TCAF1: variants seen among roughly 807,000 people sequenced by gnomAD.
TCAF1 encodes the protein TRPM8 channel associated factor 1.
TCAF1 carries 4 observed loss-of-function variants against 27.3 expected under a neutral mutation model. The ratio of observed to expected loss-of-function variants is 0.15; its 90% confidence interval spans 0.07 to 0.34. TCAF1 has a LOEUF of 0.34. TCAF1 is among the 10% of genes least tolerant of loss of function. The probability of loss-of-function intolerance (pLI) is 1.00; values close to 1 mark genes in which losing one functional copy is unlikely to be tolerated. For missense variants in TCAF1, 257 were observed against 425.8 expected, an observed-to-expected ratio of 0.60 and a Z score of 3.49; for synonymous variants, 105 against 167.1, an observed-to-expected ratio of 0.63 and a Z score of 2.87.
intron 1 of TCAF1, among the ~76,000 whole-genome samples, chr7:143,877,854 T>C (rs1424450212): frequency 2.0e-5 from 3 of 152,234 alleles, no homozygotes; most frequent in Non-Finnish European, 2.9e-5. Flanking sequence ...CTTTCTGTCC[T>C]TTTCTGACCT....
intron 1 of TCAF1, among the ~76,000 whole-genome samples, chr7:143,898,688 G>A (rs138217416): frequency 6.6e-5 from 10 of 152,262 alleles, no homozygotes; most frequent in Non-Finnish European, 1.2e-4. Context: ...CTTAAATAGT[G>A]TCATATACCA....
intron 1 of TCAF1, chr7:143,885,643 G>A: frequency 2.5e-6 from 2 of 800,562 alleles, no homozygotes; most frequent in African/African-American, 1.9e-5. Flanking sequence ...CCAAGGATGG[G>A]TTAAATCTAC....
At chr7:143,885,919 AT>A (rs1813379957) in intron 1 of TCAF1, among the ~76,000 whole-genome samples, 1 of 152,238 alleles carries the variant, frequency 6.6e-6, no homozygotes, top group Admixed American at 6.5e-5. Flanking sequence ...TGTAATAAAA[AT>A]AAATTTAATC....
chr7:143,859,994 ATTATATAAT>A lies in TCAF1; in HGVS notation c.2167+205_2167+213del, dbSNP rs1165221487. Among the ~76,000 whole-genome samples the A allele has an allele frequency of 1.9e-3, 28 of 14,946 alleles. 3 individuals carry two copies. The highest frequency in any genetic ancestry group is 2.6e-3 in the African/African-American group (23 of 8,928). The allele number at this position is 14,946 out of a possible 152,430, so 9.8% of individuals were successfully genotyped here. A position where few individuals can be genotyped will look rare whatever the true frequency, so the allele number is the denominator to read the frequency against. The stretch of plus-strand genomic sequence containing the variant: ...ATATAATATATATTATATAATATAT[ATTATATAAT>A]ATATATATAATATATATTATATATT... On this transcript the variant is annotated intron_variant, in intron 6 of 8. Coordinates refer to ENST00000479870, the MANE Select transcript of TCAF1 (RefSeq NM_014719.3).
chr7:143,895,759 G>A (rs949688932), intron 1 of TCAF1, among the ~76,000 whole-genome samples: 1 of 151,416 alleles, frequency 6.6e-6, no homozygotes, highest in Non-Finnish European at 1.5e-5. Flanking sequence ...AGGTACTAAG[G>A]ATCAATTTAA....
intron 2 of TCAF1, among the ~76,000 whole-genome samples, chr7:143,868,416 AAATT>A (rs1812279484): frequency 6.7e-6 from 1 of 148,590 alleles, no homozygotes; most frequent in Admixed American, 6.8e-5. Context: ...AACCTTGTTA[AAATT>A]AATTATTATA....
At chr7:143,884,752 G>C (rs1813304109) in intron 1 of TCAF1, among the ~76,000 whole-genome samples, 1 of 151,740 alleles carries the variant, frequency 6.6e-6, no homozygotes, top group Non-Finnish European at 1.5e-5. Flanking sequence ...GAAAGAAAGG[G>C]GGGTGGAGGA....
Position 143,898,132 on chromosome 7 carries a change from G to A in TCAF1, c.-15+3829C>T, listed in dbSNP as rs796290325. The stretch of plus-strand genomic sequence containing the variant: ...GTATATATATTCTCAACAGCTACAG[G>A]AAAAGCATTTGAAAAAACATCCATT... On this transcript the variant is annotated intron_variant, in intron 1 of 8. Coordinates refer to ENST00000479870, the MANE Select transcript of TCAF1 (RefSeq NM_014719.3). Among the ~76,000 whole-genome samples the A allele has an allele frequency of 9.2e-5, 14 of 152,066 alleles. 1 individual carries two copies. The highest frequency in any genetic ancestry group is 3.4e-4 in the African/African-American group (14 of 41,494).
chr7:143,896,673 T>C (rs975803229), intron 1 of TCAF1, among the ~76,000 whole-genome samples: 1 of 152,008 alleles, frequency 6.6e-6, no homozygotes, highest in Non-Finnish European at 1.5e-5. Context: ...CCAAATGGAA[T>C]TTAAAAGGTA....
At chr7:143,901,580 G>A (rs989200338) in intron 1 of TCAF1, among the ~76,000 whole-genome samples, 14 of 152,086 alleles carry the variant, frequency 9.2e-5, no homozygotes, top group African/African-American at 3.4e-4. Flanking sequence ...AGAGCACTGG[G>A]GTGGATGAGA....
chr7:143,897,621 T>C (rs1438014197), intron 1 of TCAF1, among the ~76,000 whole-genome samples: 2 of 152,098 alleles, frequency 1.3e-5, no homozygotes, highest in Admixed American at 6.5e-5. Context: ...AATAAACATA[T>C]ACATGTACGT....
chr7:143,880,768 G>A (rs1210479432), intron 1 of TCAF1, among the ~76,000 whole-genome samples: 2 of 152,104 alleles, frequency 1.3e-5, no homozygotes, highest in African/African-American at 4.8e-5. Flanking sequence ...CTTGAACTCT[G>A]CAGCTGGTTG....
At chr7:143,859,889 A>ACACAC (rs1189129653) in intron 6 of TCAF1, among the ~76,000 whole-genome samples, 18 of 86,728 alleles carry the variant, frequency 2.1e-4, no homozygotes, top group African/African-American at 7.3e-4. Flanking sequence ...ACATATATAT[A>ACACAC]ATATATATTA....
intron 1 of TCAF1, among the ~76,000 whole-genome samples, chr7:143,885,776 G>A (rs950841698): frequency 1.3e-5 from 2 of 152,082 alleles, no homozygotes; most frequent in East Asian, 1.9e-4. Flanking sequence ...CTGTTCATAT[G>A]TACTTATATA....
intron 2 of TCAF1, 116 bp downstream of exon 2, chr7:143,875,873 T>C (rs1812666874): frequency 1.1e-6 from 1 of 882,928 alleles, no homozygotes; most frequent in African/African-American, 1.7e-5. Context: ...TATGTAGTGA[T>C]TCCATATCTG....
chr7:143,872,163 A>AT (rs1454141133), intron 2 of TCAF1, among the ~76,000 whole-genome samples: 1 of 146,974 alleles, frequency 6.8e-6, no homozygotes, highest in Non-Finnish European at 1.5e-5. Context: ...CTAGGGAACT[A>AT]TTTTGATTAA....
intron 1 of TCAF1, among the ~76,000 whole-genome samples, chr7:143,886,906 T>G (rs1189843924): frequency 1.3e-5 from 2 of 149,438 alleles, no homozygotes; most frequent in African/African-American, 2.5e-5. Flanking sequence ...GGGGTCTCAC[T>G]TTGTTGCCCA....
chr7:143,893,380 G>A (rs2116858157), intron 1 of TCAF1, among the ~76,000 whole-genome samples: 1 of 152,132 alleles, frequency 6.6e-6, no homozygotes, highest in African/African-American at 2.4e-5. Flanking sequence ...AATCAGTAAG[G>A]ATATACATGA....
chr7:143,895,142 C>T (rs890565282), intron 1 of TCAF1, among the ~76,000 whole-genome samples: 1 of 151,770 alleles, frequency 6.6e-6, no homozygotes, highest in African/African-American at 2.4e-5. Flanking sequence ...TAAATCGATA[C>T]AGCTATGTGG....
Sources: gnomAD v4.1 joint callset for allele counts (sites outside exome capture counted in the v4.1 genomes callset) on GRCh38, gnomAD v4.1.1 for gene constraint, MANE v1.5 for transcripts, NCBI Gene and HGNC (gene_info 2026-07-23, HGNC 2026-07-21) for gene names.